SPON1: variants seen among roughly 807,000 people sequenced by gnomAD.
SPON1 encodes the protein spondin 1.
Under a neutral mutation model 111.7 loss-of-function variants are expected in SPON1, and 52 were observed. The observed-to-expected ratio is 0.47, with a 90% CI of 0.37 to 0.59. The LOEUF (loss-of-function observed/expected upper bound fraction) is 0.59, where lower values mean the gene tolerates loss of function less well. Among genes scored for constraint, SPON1 ranks in the 20% least tolerant of loss-of-function variants. The pLI, the probability that SPON1 is intolerant of heterozygous loss-of-function variation, is 0.00. For missense variants in SPON1, 957 were observed against 1,068.5 expected (o/e 0.90, Z 1.46); for synonymous variants, 410 against 395.8 (o/e 1.04, Z -0.43).
intron 6 of SPON1, among the ~76,000 whole-genome samples, chr11:14,151,784 A>G (rs1847791132): frequency 6.6e-6 from 1 of 152,212 alleles, no homozygotes; most frequent in African/African-American, 2.4e-5. Context: ...CAAATCAAAG[A>G]TAAAACAGGA....
At chr11:14,189,457 G>A (rs967557047) in intron 6 of SPON1, among the ~76,000 whole-genome samples, 2 of 152,128 alleles carry the variant, frequency 1.3e-5, no homozygotes, top group Non-Finnish European at 2.9e-5. Context: ...TTCCCACCCA[G>A]CTGCCTAAGC....
intron 6 of SPON1, among the ~76,000 whole-genome samples, chr11:14,237,948 C>T (rs369759149): frequency 3.9e-5 from 6 of 152,176 alleles, no homozygotes; most frequent in Admixed American, 2.6e-4. Context: ...ATGGTGGCAA[C>T]GGGTGTGGCC....
chr11:13,998,632 G>A (rs1160165166), intron 2 of SPON1, among the ~76,000 whole-genome samples: 1 of 152,158 alleles, frequency 6.6e-6, no homozygotes, highest in East Asian at 1.9e-4. Context: ...GCAGACAACT[G>A]GGCCATGTCT....
intron 2 of SPON1, among the ~76,000 whole-genome samples, chr11:14,034,538 TTTAA>T (rs1476040018): frequency 1.3e-5 from 2 of 152,258 alleles, no homozygotes; most frequent in African/African-American, 4.8e-5. Context: ...CTGTTCAATG[TTTAA>T]TTACCATCTG....
At chr11:14,024,460 G>A (rs1453550659) in intron 2 of SPON1, among the ~76,000 whole-genome samples, 3 of 152,038 alleles carry the variant, frequency 2.0e-5, no homozygotes, top group South Asian at 2.1e-4. Flanking sequence ...TGGGAAGGTG[G>A]TCTTCCCCTG....
chr11:14,261,932 G>A (rs1025699476), intron 14 of SPON1, among the ~76,000 whole-genome samples: 1 of 152,036 alleles, frequency 6.6e-6, no homozygotes, highest in African/African-American at 2.4e-5. Flanking sequence ...TGAAACTGTT[G>A]AACTAAATGA....
intron 3 of SPON1, among the ~76,000 whole-genome samples, chr11:14,074,553 C>G (rs1848901547): frequency 6.6e-6 from 1 of 152,204 alleles, no homozygotes; most frequent in Non-Finnish European, 1.5e-5. Flanking sequence ...AGAAGTGGTC[C>G]AAGATCCTTT....
intron 6 of SPON1, among the ~76,000 whole-genome samples, chr11:14,238,618 A>C (rs782429786): frequency 6.6e-6 from 1 of 152,156 alleles, no homozygotes; most frequent in Non-Finnish European, 1.5e-5. Context: ...TGCTGCCTCC[A>C]GAACAGATCT....
chr11:14,153,861 G>C (rs1847812750), intron 6 of SPON1, among the ~76,000 whole-genome samples: 1 of 152,198 alleles, frequency 6.6e-6, no homozygotes, highest in Admixed American at 6.5e-5. Flanking sequence ...AAATGCTTCT[G>C]TTCCAAAAGG....
intron 8 of SPON1, 63 bp from the exon 9 acceptor site, chr11:14,255,584 A>AT (rs1220788852): frequency 8.3e-5 from 127 of 1,536,648 alleles, no homozygotes; most frequent in Non-Finnish European, 1.1e-4. Context: ...CATATAACAA[A>AT]TGGCTTTTGT....
chr11:14,196,422 C>T (rs527945736), intron 6 of SPON1, among the ~76,000 whole-genome samples: 25 of 151,732 alleles, frequency 1.6e-4, no homozygotes, highest in African/African-American at 4.4e-4. Flanking sequence ...AACACTGTGA[C>T]GATACTAAAA....
chr11:14,167,647 T>A (rs1340285165), intron 6 of SPON1, among the ~76,000 whole-genome samples: 3 of 152,162 alleles, frequency 2.0e-5, no homozygotes, highest in African/African-American at 7.2e-5. Context: ...TATCCAGTTT[T>A]AATTAATTTG....
chr11:14,121,627 G>T (rs142083129), intron 5 of SPON1, among the ~76,000 whole-genome samples: 2 of 152,130 alleles, frequency 1.3e-5, no homozygotes, highest in African/African-American at 4.8e-5. Flanking sequence ...TACTTAAAGG[G>T]AGAAGCTCTT....
chr11:14,053,780 G>A (rs1175711820), intron 3 of SPON1, among the ~76,000 whole-genome samples: 1 of 152,086 alleles, frequency 6.6e-6, no homozygotes, highest in Non-Finnish European at 1.5e-5. Context: ...TGTCTTTCAG[G>A]GTCACAAAGT....
intron 5 of SPON1, among the ~76,000 whole-genome samples, chr11:14,120,034 T>C (rs1191401198): frequency 6.6e-6 from 1 of 152,122 alleles, no homozygotes; most frequent in Non-Finnish European, 1.5e-5. Flanking sequence ...TCTTGGAAAG[T>C]TAAACTGGAC....
At chr11:14,012,386 G>C (rs1554913817) in intron 2 of SPON1, among the ~76,000 whole-genome samples, 1 of 152,084 alleles carries the variant, frequency 6.6e-6, no homozygotes, top group East Asian at 1.9e-4. Context: ...ACCCCAAATG[G>C]GGGTCAGCTT....
intron 6 of SPON1, among the ~76,000 whole-genome samples, chr11:14,234,958 G>A (rs1463838156): frequency 3.3e-5 from 5 of 152,200 alleles, no homozygotes; most frequent in East Asian, 1.9e-4. Flanking sequence ...CCCGGGGAAC[G>A]GGGCATAGAA....
rs782043178 is a variant in SPON1 at position 14,135,430 on chromosome 11, C to T, written c.687C>T (p.Asn229=). 2 of 1,609,360 alleles carry T rather than the reference C, an allele frequency of 1.2e-6. No individual in the cohort carries two copies. Among genetic ancestry groups the T allele is most frequent in the South Asian group, 2.2e-5 (2 of 90,870 alleles). The part of the protein sequence containing the change: ...THPKDYPRRA[N]HWSAIIGGSH... Reference sequence around the variant, plus strand: ...GATTGGCTTTCCCAGGTCGGGCCAACCACTGGTCTGCGATCATCGGAGGAT... The same window carrying T: ...GATTGGCTTTCCCAGGTCGGGCCAATCACTGGTCTGCGATCATCGGAGGAT... The change falls in exon 6 of 16, where the codon AAC becomes AAT. Residue 229 remains asparagine, a synonymous_variant. Coordinates refer to ENST00000576479, the MANE Select transcript of SPON1 (RefSeq NM_006108.4). This position sits in a 1 kb window ranked among gnomAD's most constrained non-coding sequence, Gnocchi z 4.4.
At chr11:14,164,550 C>T (rs1564921023) in intron 6 of SPON1, among the ~76,000 whole-genome samples, 3 of 152,112 alleles carry the variant, frequency 2.0e-5, no homozygotes, top group South Asian at 2.1e-4. Context: ...TTCTAAGCTA[C>T]GATATTTGAG....
Sources: allele counts gnomAD v4.1 joint callset (sites outside exome capture counted in the v4.1 genomes callset), GRCh38; gene constraint gnomAD v4.1.1; non-coding constraint Gnocchi (gnomAD v3.1); transcripts MANE v1.5; gene names NCBI Gene and HGNC (gene_info 2026-07-23, HGNC 2026-07-21).